Variants in KITLG observed in about 807,000 individuals in gnomAD.
KITLG encodes KIT ligand, also known as c-Kit ligand.
A neutral mutation model predicts 34.1 loss-of-function variants in KITLG; 13 were observed. The observed-to-expected ratio is 0.38, with a 90% confidence interval of 0.25 to 0.61. The LOEUF (loss-of-function observed/expected upper bound fraction) is 0.61, where lower values mean the gene tolerates loss of function less well. Ranked by LOEUF, KITLG falls within the 20% of genes least tolerant of loss-of-function variation. The pLI, the probability that KITLG is intolerant of heterozygous loss-of-function variation, is 0.60. For synonymous variants in KITLG, 110 were observed against 104.0 expected (o/e 1.06, Z -0.35); for missense variants, 292 against 318.9 (o/e 0.92, Z 0.64).
chr12:88,571,452 G>T (rs1871647315), intron 1 of KITLG, among the ~76,000 whole-genome samples: 1 of 152,118 alleles, frequency 6.6e-6, no homozygotes, highest in Non-Finnish European at 1.5e-5. Context: ...ATTGTCTCCA[G>T]TTTCACTAAG....
intron 1 of KITLG, among the ~76,000 whole-genome samples, chr12:88,578,141 A>T (rs959108108): frequency 7.2e-5 from 11 of 152,186 alleles, no homozygotes; most frequent in Admixed American, 5.2e-4. Flanking sequence ...TGGATTAGAA[A>T]ATTTAACAAT....
chr12:88,526,694 A>G (rs536376087), intron 3 of KITLG, among the ~76,000 whole-genome samples: 22 of 152,284 alleles, frequency 1.4e-4, no homozygotes, highest in African/African-American at 5.1e-4. Context: ...GGTTTCATCA[A>G]AAATCAAAAC....
intron 1 of KITLG, among the ~76,000 whole-genome samples, chr12:88,568,012 TA>T (rs1871503050): frequency 6.6e-6 from 1 of 152,200 alleles, no homozygotes; most frequent in African/African-American, 2.4e-5. Context: ...TTGGAAAATT[TA>T]TATTTTTTAT....
chr12:88,516,561 T>G, intron 4 of KITLG, 71 bp from the exon 5 acceptor site: 3 of 957,346 alleles, frequency 3.1e-6, no homozygotes, highest in Non-Finnish European at 4.8e-6. Flanking sequence ...TAATGGACTA[T>G]AAATATGTCT....
chr12:88,495,877 G>C lies in KITLG; in HGVS notation c.*1342C>G, dbSNP rs370652355. ...CATAAGAAATCATTCTTTGACTTTA[G>C]TCAGATGTTTTCTTATTATAAAAAA... On this transcript the variant is annotated 3_prime_UTR_variant, in exon 10 of 10. Transcript: ENST00000644744. 2.0e-5 allele frequency: 3 copies of C among 152,030 alleles called. No individual in the cohort carries two copies. Among genetic ancestry groups the C allele is most frequent in the African/African-American group, 7.2e-5 (3 of 41,394 alleles). 9.4% of individuals were successfully genotyped at this position (152,030 alleles called of 1,614,324 possible).
At chr12:88,556,806 A>G (rs1871111964) in intron 1 of KITLG, among the ~76,000 whole-genome samples, 1 of 152,196 alleles carries the variant, frequency 6.6e-6, no homozygotes, top group Non-Finnish European at 1.5e-5. Context: ...TGAGAGGGAA[A>G]TCAGTTGATT....
intron 3 of KITLG, among the ~76,000 whole-genome samples, chr12:88,531,464 G>T (rs1196188020): frequency 6.6e-6 from 1 of 152,140 alleles, no homozygotes; most frequent in East Asian, 1.9e-4. Flanking sequence ...TCTGTGATAG[G>T]TATACAGATA....
chr12:88,574,449 G>C (rs1871765393), intron 1 of KITLG, among the ~76,000 whole-genome samples: 1 of 152,166 alleles, frequency 6.6e-6, no homozygotes, highest in South Asian at 2.1e-4. Context: ...ATCATCTGCA[G>C]GAACTGCCTT....
At chr12:88,531,371 T>C (rs1460000438) in intron 3 of KITLG, among the ~76,000 whole-genome samples, 3 of 152,154 alleles carry the variant, frequency 2.0e-5, no homozygotes, top group Non-Finnish European at 4.4e-5. Flanking sequence ...GGAGCATACA[T>C]AGGGCATTAG....
In KITLG at chr12:88,541,158, G is replaced by A. The variant is rs184678107; in HGVS notation, c.129+4594C>T. 1.8e-3 allele frequency among the ~76,000 whole-genome samples: 278 copies of A among 152,158 alleles called. 2 individuals are homozygous for A. Among genetic ancestry groups the A allele is most frequent in the African/African-American group, 6.5e-3 (268 of 41,520 alleles). ...AAAGTGTGAAAATGTGTTATCTGAG[G>A]ATATTTTTATAATCTCTCATTACGA... On this transcript the variant is annotated intron_variant, in intron 2 of 9. Coordinates refer to ENST00000644744, the MANE Select transcript of KITLG (RefSeq NM_000899.5).
At chr12:88,532,217 A>T (rs1870122982) in intron 3 of KITLG, among the ~76,000 whole-genome samples, 1 of 152,038 alleles carries the variant, frequency 6.6e-6, no homozygotes, top group Admixed American at 6.6e-5. Flanking sequence ...GTGAAGAACA[A>T]CTATACAGGT....
At chr12:88,579,915 C>G (rs1406927902) in intron 1 of KITLG, among the ~76,000 whole-genome samples, 1 of 152,232 alleles carries the variant, frequency 6.6e-6, no homozygotes, top group Non-Finnish European at 1.5e-5. Flanking sequence ...AAACCGTCTC[C>G]TATGCAAAGA....
intron 1 of KITLG, among the ~76,000 whole-genome samples, chr12:88,555,088 G>C (rs1166038397): frequency 6.6e-6 from 1 of 152,040 alleles, no homozygotes; most frequent in Non-Finnish European, 1.5e-5. Flanking sequence ...AAAAAAACTA[G>C]AAAGAAGTTG....
chr12:88,557,748 T>C (rs1282878655), intron 1 of KITLG, among the ~76,000 whole-genome samples: 1 of 152,134 alleles, frequency 6.6e-6, no homozygotes, highest in African/African-American at 2.4e-5. Context: ...TATGGAAACA[T>C]AATTTTAAAA....
At chr12:88,558,954 C>T (rs991683220) in intron 1 of KITLG, among the ~76,000 whole-genome samples, 5 of 152,084 alleles carry the variant, frequency 3.3e-5, no homozygotes, top group Admixed American at 6.6e-5. Flanking sequence ...TAAAAGATGA[C>T]AAATTGGGTA....
rs1483028838 is a variant in KITLG, at chr12:88,507,042, C to T, written c.700G>A (p.Ala234Thr). The T allele has an allele frequency of 6.3e-7, 1 of 1,593,940 alleles. No individual in the cohort carries two copies. Residue 234 changes from alanine (A) to threonine (T), a missense_variant, in exon 7 of 10, where the codon GCC (alanine) becomes ACC (threonine). Physicochemically the swap from Ala to Thr is moderately conservative, Grantham distance 58. Coordinates refer to ENST00000644744, the MANE Select transcript of KITLG (RefSeq NM_000899.5). ...FSLIIGFAFG[A>T]LYWKKRQPSL... ...GTACCACTTACCTTCCAGTATAAGG[C>T]TCCAAAAGCAAAGCCAATTATAAGA... is the stretch of plus-strand genomic sequence containing the variant.
At chr12:88,544,950 G>A (rs779580891) in intron 2 of KITLG, among the ~76,000 whole-genome samples, 13 of 151,928 alleles carry the variant, frequency 8.6e-5, no homozygotes, top group East Asian at 1.9e-4. Flanking sequence ...CATCACCTCC[G>A]TTCTCTAGTC....
At chr12:88,508,125 C>T (rs989345714) in intron 6 of KITLG, among the ~76,000 whole-genome samples, 1 of 151,294 alleles carries the variant, frequency 6.6e-6, no homozygotes, top group South Asian at 2.1e-4. Flanking sequence ...AGGCGGAAGT[C>T]GTAATGAGCC....
At chr12:88,578,573 G>A (rs1467718523) in intron 1 of KITLG, among the ~76,000 whole-genome samples, 2 of 152,162 alleles carry the variant, frequency 1.3e-5, no homozygotes, top group East Asian at 1.9e-4. Flanking sequence ...AGCGAGAAAG[G>A]AGATTACAGA....
Sources: gnomAD v4.1 joint callset for allele counts (sites outside exome capture counted in the v4.1 genomes callset) on GRCh38, gnomAD v4.1.1 for gene constraint, MANE v1.5 for transcripts, NCBI Gene and HGNC (gene_info 2026-07-23, HGNC 2026-07-21) for gene names.